Variants in LINGO2 observed in about 807,000 individuals in gnomAD.
LINGO2 encodes the protein leucine-rich repeat and immunoglobulin-like domain-containing nogo receptor-interacting protein 2.
A neutral mutation model predicts 30.6 loss-of-function variants in LINGO2; 14 were observed. That is an observed-to-expected ratio of 0.46 (90% confidence interval 0.30 to 0.72). The LOEUF is 0.72. Ranked by LOEUF, LINGO2 falls within the 30% of genes least tolerant of loss-of-function variation. The probability of loss-of-function intolerance (pLI) is 0.07; values close to 1 mark genes in which losing one functional copy is unlikely to be tolerated. For missense variants in LINGO2, 729 were observed against 751.7 expected (o/e 0.97, Z 0.35); for synonymous variants, 317 against 288.5 (o/e 1.10, Z -1.00).
At chr9:28,947,479 TACTG>T in the LINGO2 span, among the ~76,000 whole-genome samples, 1 of 152,068 alleles carries the variant, frequency 6.6e-6, no homozygotes, top group East Asian at 1.9e-4. Context: ...TATGATAACT[TACTG>T]ACTAACATAA....
chr9:28,942,937 G>T, the LINGO2 span, among the ~76,000 whole-genome samples: 1 of 152,184 alleles, frequency 6.6e-6, no homozygotes, highest in Non-Finnish European at 1.5e-5. Flanking sequence ...AATTAAGTGA[G>T]ATACTGTGTG....
intron 2 of LINGO2, among the ~76,000 whole-genome samples, chr9:28,449,609 A>AT (rs1391384942): frequency 2.0e-5 from 3 of 151,646 alleles, no homozygotes; most frequent in Non-Finnish European, 2.9e-5. Flanking sequence ...CCAAAATCCC[A>AT]TTTTTTTTCT....
chr9:28,954,154 G>A, the LINGO2 span, among the ~76,000 whole-genome samples: 2 of 152,050 alleles, frequency 1.3e-5, no homozygotes, highest in African/African-American at 2.4e-5. Context: ...TGCTTTCCTT[G>A]AAGTTACAAG....
chr9:28,577,887 G>A (rs904760362), intron 1 of LINGO2, among the ~76,000 whole-genome samples: 2 of 152,148 alleles, frequency 1.3e-5, no homozygotes, highest in Non-Finnish European at 2.9e-5. Context: ...TTTTCACCCA[G>A]CAGCTATGGG....
At chr9:28,327,102 T>C (rs752973201) in intron 3 of LINGO2, among the ~76,000 whole-genome samples, 6 of 152,158 alleles carry the variant, frequency 3.9e-5, no homozygotes, top group Non-Finnish European at 7.3e-5. Context: ...AAAAGGCTTG[T>C]TCACCTCTTC....
At chr9:27,990,462 A>ACCCCCCC (rs10671360) in intron 5 of LINGO2, among the ~76,000 whole-genome samples, 1 of 117,968 alleles carries the variant, frequency 8.5e-6, no homozygotes, top group East Asian at 2.5e-4. Context: ...TGGTCTCAAT[A>ACCCCCCC]CCCCCCCCCC....
rs777390068 is a variant in LINGO2 at position 28,568,730 on chromosome 9, G to T, written c.-364-92705C>A. 2.0e-4 allele frequency among the ~76,000 whole-genome samples: 31 copies of T among 152,008 alleles called. 1 individual carries two copies. The Middle Eastern group carries it at 0.014, about 67-fold the overall frequency. On this transcript the variant is annotated intron_variant, in intron 1 of 5. Transcript: ENST00000379992. ...AGAAAAAATAAAAACTTCCTCTGAA[G>T]GATGCTTTATCAGACAAACTGTCCT...
At chr9:28,532,147 T>C (rs1821258186) in intron 1 of LINGO2, among the ~76,000 whole-genome samples, 1 of 152,148 alleles carries the variant, frequency 6.6e-6, no homozygotes, top group African/African-American at 2.4e-5. Context: ...GCCATTATGA[T>C]TTTTAACAGA....
At chr9:28,673,633 C>CTCCA (rs1294469728), upstream of LINGO2, among the ~76,000 whole-genome samples, 3 of 151,966 alleles carry the variant, frequency 2.0e-5, no homozygotes, top group Admixed American at 1.3e-4. Flanking sequence ...CGCCACTACA[C>CTCCA]TCCACCCTGG....
chr9:29,102,600 TTG>T, the LINGO2 span, among the ~76,000 whole-genome samples: 1 of 152,126 alleles, frequency 6.6e-6, no homozygotes, highest in African/African-American at 2.4e-5. Flanking sequence ...AGTGTAGGAT[TTG>T]TGTTTTTATC....
the LINGO2 span, among the ~76,000 whole-genome samples, chr9:29,013,455 G>C: frequency 6.6e-6 from 1 of 151,448 alleles, no homozygotes; most frequent in East Asian, 1.9e-4. Flanking sequence ...ATCTAGATTA[G>C]CATAGACCAT....
intron 5 of LINGO2, among the ~76,000 whole-genome samples, chr9:27,985,200 C>CAA (rs1485679639): frequency 2.6e-5 from 4 of 151,872 alleles, no homozygotes; most frequent in Non-Finnish European, 5.9e-5. Flanking sequence ...CATAACACAT[C>CAA]AACCATGAGC....
chr9:28,727,895 T>C, the LINGO2 span, among the ~76,000 whole-genome samples: 36 of 152,156 alleles, frequency 2.4e-4, no homozygotes, highest in African/African-American at 8.2e-4. Flanking sequence ...GGCAGACAGA[T>C]ACAGAGGCAG....
At chr9:28,189,261 AAGGGAGGGAGGAAGGGAGGGAGGG>A (rs879717025) in intron 4 of LINGO2, among the ~76,000 whole-genome samples, 1,155 of 85,766 alleles carry the variant, frequency 0.013, 188 homozygotes, top group Non-Finnish European at 0.018. Context: ...GGGAGGAAGG[AAGGGAGGGAGGAAGGGAGGGAGGG>A]AGGGAGGAAG....
chr9:28,173,791 T>C (rs997351742), intron 4 of LINGO2, among the ~76,000 whole-genome samples: 2 of 152,222 alleles, frequency 1.3e-5, no homozygotes, highest in African/African-American at 2.4e-5. Flanking sequence ...GAGACTGATA[T>C]GTACTGTGCC....
chr9:28,531,802 G>A (rs1391847528), intron 1 of LINGO2, among the ~76,000 whole-genome samples: 1 of 151,812 alleles, frequency 6.6e-6, no homozygotes, highest in African/African-American at 2.4e-5. Context: ...ATTTAGTTCA[G>A]ATCCTCAAGG....
At position 28,530,500 on chromosome 9, in the gene LINGO2, C is replaced by G. The variant is rs575144912; in HGVS notation, c.-364-54475G>C. On this transcript the variant is annotated intron_variant, in intron 1 of 5. Transcript: ENST00000379992. ...CCATTTCCTCTCAGAGTAAACATAA[C>G]GGCCCCATGCACAGGTTGACCTAAT... Among the ~76,000 whole-genome samples, 4 of 152,074 alleles carry G rather than the reference C, an allele frequency of 2.6e-5. No homozygotes were observed. The East Asian group carries it at 7.7e-4, about 29-fold the overall frequency.
chr9:28,970,096 G>T, the LINGO2 span, among the ~76,000 whole-genome samples: 1 of 152,086 alleles, frequency 6.6e-6, no homozygotes, highest in East Asian at 1.9e-4. Context: ...AGAAAGGGAA[G>T]AGAAGGGAAT....
At chr9:27,991,912 A>C (rs1185549310) in intron 5 of LINGO2, among the ~76,000 whole-genome samples, 1 of 151,972 alleles carries the variant, frequency 6.6e-6, no homozygotes, top group African/African-American at 2.4e-5. Flanking sequence ...TGTGCATTTG[A>C]TCCCAATTTG....
Sources: allele counts gnomAD v4.1 joint callset (sites outside exome capture counted in the v4.1 genomes callset), GRCh38; gene constraint gnomAD v4.1.1; transcripts MANE v1.5; gene names NCBI Gene and HGNC (gene_info 2026-07-23, HGNC 2026-07-21).